Variants in STAB2 observed in about 807,000 individuals in gnomAD.
STAB2 encodes the protein stabilin-2.
A neutral mutation model predicts 338.1 loss-of-function variants in STAB2; 288 were observed. That is an observed-to-expected ratio of 0.85 (90% CI 0.77 to 0.94). The LOEUF (loss-of-function observed/expected upper bound fraction) is 0.94, where lower values mean the gene tolerates loss of function less well. Ranked by LOEUF, STAB2 falls within the 40% of genes least tolerant of loss-of-function variation. The probability of loss-of-function intolerance (pLI) is 0.00; values close to 1 mark genes in which losing one functional copy is unlikely to be tolerated. For missense variants in STAB2, 3,141 were observed against 3,210.1 expected, an observed-to-expected ratio of 0.98 and a Z score of 0.52; for synonymous variants, 1,202 against 1,193.3, an observed-to-expected ratio of 1.01 and a Z score of -0.15.
At chr12:103,706,593 T>C (rs1879367353) in intron 37 of STAB2, among the ~76,000 whole-genome samples, 199 bp from the exon 38 acceptor site, 1 of 152,124 alleles carries the variant, frequency 6.6e-6, no homozygotes, top group South Asian at 2.1e-4. Flanking sequence ...AGTGGAGCCC[T>C]TGGTCCTGTT....
At chr12:103,763,412 G>T (rs1366452510) in intron 67 of STAB2, 80 bp from the exon 68 acceptor site, 2 of 1,230,308 alleles carry the variant, frequency 1.6e-6, no homozygotes, top group African/African-American at 3.0e-5. Context: ...GCAAAGGGTG[G>T]CTTGCTTTAC....
intron 3 of STAB2, among the ~76,000 whole-genome samples, chr12:103,616,283 G>A (rs976136247): frequency 6.6e-6 from 1 of 152,120 alleles, no homozygotes; most frequent in South Asian, 2.1e-4. Flanking sequence ...TGTTATAACA[G>A]GAATGAGCTG....
intron 31 of STAB2, among the ~76,000 whole-genome samples, 175 bp from the exon 32 acceptor site, chr12:103,695,375 C>T (rs1241171995): frequency 6.6e-6 from 1 of 152,204 alleles, no homozygotes; most frequent in Non-Finnish European, 1.5e-5. Context: ...TCTGCTCCAG[C>T]CTTGTCATGC....
At chr12:103,704,682 T>G in intron 36 of STAB2, 68 bp downstream of exon 36, 1 of 1,395,838 alleles carries the variant, frequency 7.2e-7, no homozygotes, top group Non-Finnish European at 1.0e-6. Context: ...AAAATGAACC[T>G]CAAGATTATG....
intron 36 of STAB2, among the ~76,000 whole-genome samples, chr12:103,705,417 A>G (rs1389942764): frequency 6.6e-6 from 1 of 152,230 alleles, no homozygotes; most frequent in African/African-American, 2.4e-5. Flanking sequence ...ACTACTTTAA[A>G]GTATAATTAT....
chr12:103,728,329 C>T (rs1432939247), intron 47 of STAB2, among the ~76,000 whole-genome samples: 1 of 151,664 alleles, frequency 6.6e-6, no homozygotes, highest in Admixed American at 6.6e-5. Flanking sequence ...AGGCTGGTCT[C>T]GAACTCCTGG....
chr12:103,742,371 G>A, intron 55 of STAB2, 34 bp from the exon 56 acceptor site: 1 of 1,609,758 alleles, frequency 6.2e-7, no homozygotes, highest in Non-Finnish European at 8.5e-7. Flanking sequence ...GGCTTTGGGA[G>A]ACTGTTGAGT....
At chr12:103,689,675 T>A (rs1391228017) in intron 28 of STAB2, among the ~76,000 whole-genome samples, 171 bp from the exon 29 acceptor site, 1 of 152,026 alleles carries the variant, frequency 6.6e-6, no homozygotes, top group Non-Finnish European at 1.5e-5. Flanking sequence ...ATTAAGTGAG[T>A]CTCACAAGGG....
chr12:103,733,165 G>T lies in STAB2; in HGVS notation c.5443G>T (p.Val1815Leu). ...GCTGAAGGAGTATTTGAAGTTTCATGTGATACGAGATGCCAAGGTATTTAG... is the reference window on the plus strand; with the variant it reads ...GCTGAAGGAGTATTTGAAGTTTCATTTGATACGAGATGCCAAGGTATTTAG... ...DKLKEYLKFH[V>L]IRDAKVLAVD... The change falls in exon 51 of 69, where the codon GTG (valine) becomes TTG (leucine). Residue 1815 changes from valine to leucine, a missense_variant. Transcript: ENST00000388887. 1 of 1,614,120 alleles carries T rather than the reference G, an allele frequency of 6.2e-7. No individual in the cohort carries two copies. The highest frequency in any genetic ancestry group is 1.1e-5 in the South Asian group (1 of 91,072).
intron 12 of STAB2, among the ~76,000 whole-genome samples, chr12:103,653,430 G>C (rs1565986409): frequency 6.6e-6 from 1 of 152,208 alleles, no homozygotes; most frequent in African/African-American, 2.4e-5. Flanking sequence ...TAAGAAAGAA[G>C]AGAGGCCACA....
rs573772363 is a variant in STAB2, at chr12:103,737,014, G to A, written c.5551-620G>A. On this transcript the variant is annotated intron_variant, in intron 52 of 68. Coordinates refer to ENST00000388887, the MANE Select transcript of STAB2 (RefSeq NM_017564.10). The stretch of plus-strand genomic sequence containing the variant: ...ATTATGCCTGGTACATGTGAAAAAA[G>A]AAATTATCATTACAAAGTTAAAGCC... 2.6e-5 allele frequency among the ~76,000 whole-genome samples: 4 copies of A among 152,292 alleles called. No homozygotes were observed. The South Asian group carries it at 8.3e-4, about 32-fold the overall frequency.
chr12:103,631,613 A>T lies in STAB2; in HGVS notation c.503A>T (p.His168Leu). ...PSCSSVCNCV[H>L]GVCNSGLDGD... ...CTGTCTCCAGTGTGCAACTGTGTGC[A>T]TGGGGTGTGCAACAGTGGACTAGAT... Residue 168 changes from histidine to leucine, a missense_variant, in exon 6 of 69, where the codon CAT becomes CTT. Physicochemically the swap from His to Leu is moderately conservative, Grantham distance 99. Coordinates refer to ENST00000388887, the MANE Select transcript of STAB2 (RefSeq NM_017564.10). 6.2e-7 allele frequency: 1 copy of T among 1,614,150 alleles called. No individual in the cohort carries two copies.
At chr12:103,752,581 A>C (rs903273397) in intron 60 of STAB2, among the ~76,000 whole-genome samples, 2 of 152,228 alleles carry the variant, frequency 1.3e-5, no homozygotes, top group African/African-American at 4.8e-5. Context: ...TGAATTTTTA[A>C]AACTTTTTTA....
At position 103,703,037 on chromosome 12, in the gene STAB2, G is replaced by A. The variant is rs1007903051; in HGVS notation, c.3715-111G>A. The stretch of plus-strand genomic sequence containing the variant: ...ACAAGTGACTATTATATCTCCAGGT[G>A]AATATTGTAATATCTCCTAGGCAAT... On this transcript the variant is annotated intron_variant, in intron 34 of 68. Coordinates refer to ENST00000388887, the MANE Select transcript of STAB2 (RefSeq NM_017564.10). 5 of 1,229,316 alleles carry A rather than the reference G, an allele frequency of 4.1e-6. No homozygotes were observed. The Admixed American group carries it at 1.1e-4, about 27-fold the overall frequency. The allele number at this position is 1,229,316 out of a possible 1,614,324, so 76.2% of individuals were successfully genotyped here. A position where few individuals can be genotyped will look rare whatever the true frequency, so the allele number is the denominator to read the frequency against.
At chr12:103,759,005 C>A in intron 64 of STAB2, 128 bp from the exon 65 acceptor site, 1 of 1,497,388 alleles carries the variant, frequency 6.7e-7, no homozygotes, top group Non-Finnish European at 9.2e-7. Context: ...TTGACATTTC[C>A]TGATCTCCAC....
chr12:103,717,971 G>C (rs1435431996), intron 44 of STAB2, 130 bp downstream of exon 44: 6 of 877,368 alleles, frequency 6.8e-6, no homozygotes, highest in African/African-American at 3.4e-5. Context: ...TGACCATGAG[G>C]CTTGTTTCTC....
At chr12:103,637,000 T>G in intron 6 of STAB2, 111 bp from the exon 7 acceptor site, 39 of 1,223,802 alleles carry the variant, frequency 3.2e-5, no homozygotes, top group Non-Finnish European at 4.2e-5. Flanking sequence ...ATTTTTTAAA[T>G]TATTACAATG....
chr12:103,661,217 CAAA>C (rs10548393), intron 17 of STAB2, among the ~76,000 whole-genome samples: 53,609 of 105,532 alleles, frequency 0.51, 10,588 homozygotes, highest in South Asian at 0.65. Context: ...GAGTTCCAGA[CAAA>C]AAAAAAAAAA....
chr12:103,599,628 T>C (rs1224499723), intron 3 of STAB2, among the ~76,000 whole-genome samples: 4 of 152,260 alleles, frequency 2.6e-5, no homozygotes, highest in Admixed American at 6.5e-5. Flanking sequence ...GATGTACTTA[T>C]GCTAAAACAA....
Sources: gnomAD v4.1 joint callset for allele counts (sites outside exome capture counted in the v4.1 genomes callset) on GRCh38, gnomAD v4.1.1 for gene constraint, MANE v1.5 for transcripts, NCBI Gene and HGNC (gene_info 2026-07-23, HGNC 2026-07-21) for gene names.